The following CLVS1 variants were observed in gnomAD, a reference collection of about 807,000 sequenced individuals.
CLVS1 encodes clavesin 1.
A neutral mutation model predicts 33.1 loss-of-function variants in CLVS1; 10 were observed. The observed-to-expected ratio is 0.30, with a 90% CI of 0.19 to 0.51. The LOEUF is 0.51. Ranked by LOEUF, CLVS1 falls within the 20% of genes least tolerant of loss-of-function variation. The probability of loss-of-function intolerance (pLI) is 0.97; values close to 1 mark genes in which losing one functional copy is unlikely to be tolerated. For synonymous variants in CLVS1, 163 were observed against 166.1 expected (o/e 0.98, Z 0.14); for missense variants, 343 against 433.4 (o/e 0.79, Z 1.85).
At chr8:61,425,986 A>G (rs1158362689) in intron 3 of CLVS1, among the ~76,000 whole-genome samples, 1 of 152,234 alleles carries the variant, frequency 6.6e-6, no homozygotes. Context: ...TTAGAGCTGT[A>G]ATTACACTCT....
chr8:61,462,881 A>G (rs192744386), intron 5 of CLVS1, among the ~76,000 whole-genome samples: 15 of 152,300 alleles, frequency 9.8e-5, no homozygotes, highest in African/African-American at 3.6e-4. Context: ...TTAGCGCCTA[A>G]CAAGAAAGTC....
chr8:61,283,686 C>A (rs75652656), upstream of CLVS1, among the ~76,000 whole-genome samples: 500 of 152,250 alleles, frequency 3.3e-3, 1 homozygote, highest in African/African-American at 0.012. Flanking sequence ...TCCCTGCCAA[C>A]AAAGCATTGA....
At chr8:61,270,822 C>G (rs1159469744) in intron 2 of CLVS1, among the ~76,000 whole-genome samples, 1 of 152,132 alleles carries the variant, frequency 6.6e-6, no homozygotes, top group African/African-American at 2.4e-5. Context: ...GTAGTATTCT[C>G]TGATGGTAGT....
chr8:61,072,255 C>G (rs1446450886), intron 1 of CLVS1, among the ~76,000 whole-genome samples: 3 of 152,216 alleles, frequency 2.0e-5, no homozygotes, highest in Non-Finnish European at 4.4e-5. Context: ...CTGTCCACTT[C>G]CCCGCTCTGT....
At chr8:61,067,516 G>A (rs1001925841) in intron 1 of CLVS1, among the ~76,000 whole-genome samples, 2 of 150,270 alleles carry the variant, frequency 1.3e-5, no homozygotes, top group African/African-American at 4.9e-5. Flanking sequence ...ATAAGTACGA[G>A]CCATAGCTAT....
intron 2 of CLVS1, among the ~76,000 whole-genome samples, chr8:61,373,054 GT>G (rs1430566762): frequency 2.6e-5 from 4 of 152,278 alleles, no homozygotes; most frequent in East Asian, 3.9e-4. Context: ...TATGCTCCAT[GT>G]TTTTGAGGGT....
chr8:61,205,112 TA>T (rs1173879506), intron 2 of CLVS1, among the ~76,000 whole-genome samples: 4 of 152,190 alleles, frequency 2.6e-5, no homozygotes, highest in African/African-American at 7.2e-5. Flanking sequence ...TTAAAAATTT[TA>T]AAAAAATATT....
chr8:61,214,909 A>G (rs146959531), intron 2 of CLVS1, among the ~76,000 whole-genome samples: 237 of 152,300 alleles, frequency 1.6e-3, no homozygotes, highest in Middle Eastern at 0.01. Context: ...CATGTATAGG[A>G]TGGCTCATTT....
the CLVS1 span, among the ~76,000 whole-genome samples, chr8:61,023,743 G>A: frequency 2.6e-5 from 4 of 152,204 alleles, no homozygotes; most frequent in African/African-American, 4.8e-5. Context: ...CAGGGTGGGG[G>A]AGAGGCCCAG....
At chr8:61,284,038 A>G (rs1490992016), upstream of CLVS1, among the ~76,000 whole-genome samples, 1 of 152,226 alleles carries the variant, frequency 6.6e-6, no homozygotes, top group African/African-American at 2.4e-5. Flanking sequence ...ATTTACCTGT[A>G]ACAAAGAATG....
chr8:61,224,216 A>G (rs1260042615), intron 2 of CLVS1, among the ~76,000 whole-genome samples: 1 of 151,878 alleles, frequency 6.6e-6, no homozygotes, highest in Non-Finnish European at 1.5e-5. Flanking sequence ...CTTAATGGAG[A>G]GATGTTGTGA....
At chr8:61,117,689 T>C (rs1455293665) in intron 1 of CLVS1, among the ~76,000 whole-genome samples, 1 of 152,146 alleles carries the variant, frequency 6.6e-6, no homozygotes, top group Non-Finnish European at 1.5e-5. Flanking sequence ...GATTTGCGTA[T>C]ATTGAACCAG....
intron 2 of CLVS1, chr8:61,202,659 G>A (rs1388188578): frequency 1.2e-5 from 18 of 1,532,200 alleles, no homozygotes; most frequent in Non-Finnish European, 1.6e-5. Context: ...TAAGGTTGAA[G>A]TGTGGTTCAG....
intron 2 of CLVS1, among the ~76,000 whole-genome samples, chr8:61,330,966 T>C (rs1811571287): frequency 6.6e-6 from 1 of 151,624 alleles, no homozygotes; most frequent in African/African-American, 2.4e-5. Context: ...CATGTTCCTG[T>C]AGCTACTCAA....
At chr8:60,986,804 C>T in the CLVS1 span, among the ~76,000 whole-genome samples, 8 of 152,290 alleles carry the variant, frequency 5.3e-5, no homozygotes, top group East Asian at 5.8e-4. Context: ...TGGGTAACAT[C>T]GTACTGGGCA....
intron 2 of CLVS1, among the ~76,000 whole-genome samples, chr8:61,262,110 G>A (rs1381715043): frequency 6.6e-6 from 1 of 151,882 alleles, no homozygotes; most frequent in Non-Finnish European, 1.5e-5. Context: ...TAAATGATCT[G>A]AAGTGATCTC....
rs183782423 is a variant in CLVS1 at position 61,059,433 on chromosome 8, A to G, written c.-243+2203A>G. On this transcript the variant is annotated intron_variant, in intron 1 of 2. Transcript: ENST00000522621. ...TTTATACATTCTGGATGCAAGACCT[A>G]TATCATATATATATATACACACACA... Among the ~76,000 whole-genome samples, 283 of 135,184 alleles carry G rather than the reference A, an allele frequency of 2.1e-3. 1 individual carries two copies. The highest frequency in any genetic ancestry group is 6.7e-3 in the African/African-American group (251 of 37,472). The allele number at this position is 135,184 out of a possible 152,430, so 88.7% of individuals were successfully genotyped here.
intron 2 of CLVS1, among the ~76,000 whole-genome samples, chr8:61,185,566 AT>A (rs1189716702): frequency 4.6e-5 from 7 of 152,048 alleles, no homozygotes; most frequent in African/African-American, 1.7e-4. Context: ...ACATTTCCAC[AT>A]TGTACTGAAA....
chr8:61,224,623 C>A (rs886176238), intron 2 of CLVS1, among the ~76,000 whole-genome samples: 2 of 152,172 alleles, frequency 1.3e-5, no homozygotes, highest in African/African-American at 4.8e-5. Flanking sequence ...TGTCTGACAA[C>A]CCCTGTTGGG....
Sources: allele counts gnomAD v4.1 joint callset (sites outside exome capture counted in the v4.1 genomes callset), GRCh38; gene constraint gnomAD v4.1.1; transcripts MANE v1.5; gene names NCBI Gene and HGNC (gene_info 2026-07-23, HGNC 2026-07-21).